The following SDK1 variants were observed in gnomAD, a reference collection of about 807,000 sequenced individuals.
The protein encoded by SDK1 is protein sidekick-1.
SDK1 carries 157 observed loss-of-function variants against 245.5 expected under a neutral mutation model. The observed-to-expected ratio is 0.64, with a 90% CI of 0.56 to 0.73. SDK1 has a LOEUF of 0.73. SDK1 is among the 30% of genes least tolerant of loss of function. SDK1 has a pLI of 0.00. For missense variants in SDK1, 3,583 were observed against 3,002.3 expected, an observed-to-expected ratio of 1.19 and a Z score of -4.52; for synonymous variants, 1,647 against 1,278.5, an observed-to-expected ratio of 1.29 and a Z score of -6.15.
At chr7:3,307,493 C>G (rs1779445553) in intron 1 of SDK1, among the ~76,000 whole-genome samples, 1 of 152,130 alleles carries the variant, frequency 6.6e-6, no homozygotes, top group African/African-American at 2.4e-5. Flanking sequence ...AACAGTGTTG[C>G]CACTAAATCC....
intron 4 of SDK1, among the ~76,000 whole-genome samples, chr7:3,683,375 A>T (rs948255539): frequency 6.6e-6 from 1 of 152,180 alleles, no homozygotes; most frequent in Non-Finnish European, 1.5e-5. Flanking sequence ...AAACTGGTTT[A>T]GACAATAGGA....
intron 5 of SDK1, among the ~76,000 whole-genome samples, chr7:3,891,417 C>T (rs954201310): frequency 9.2e-5 from 14 of 152,196 alleles, no homozygotes; most frequent in African/African-American, 3.1e-4. Flanking sequence ...TCTTAACCTG[C>T]TTCCTGCCCA....
intron 38 of SDK1, among the ~76,000 whole-genome samples, chr7:4,216,199 G>A (rs1784784702): frequency 1.3e-5 from 2 of 152,192 alleles, no homozygotes; most frequent in South Asian, 2.1e-4. Flanking sequence ...TGAAAAGGAC[G>A]ACAACGCCAC....
intron 1 of SDK1, among the ~76,000 whole-genome samples, chr7:3,535,377 A>G (rs549712092): frequency 2.0e-5 from 3 of 152,184 alleles, no homozygotes; most frequent in Non-Finnish European, 4.4e-5. Context: ...TACATGCATT[A>G]ATGTTGAATG....
intron 1 of SDK1, among the ~76,000 whole-genome samples, chr7:3,319,845 C>T (rs188055494): frequency 7.4e-6 from 1 of 135,676 alleles, no homozygotes; most frequent in Non-Finnish European, 1.6e-5. Context: ...CTGGTTTCCT[C>T]TTCCATTTGC....
intron 32 of SDK1, among the ~76,000 whole-genome samples, chr7:4,169,016 G>A (rs1454718010): frequency 2.0e-5 from 3 of 152,210 alleles, no homozygotes; most frequent in African/African-American, 7.2e-5. Flanking sequence ...GGCTCTCTGG[G>A]TGCGCAGGCA....
chr7:3,857,531 A>C (rs566677488), intron 5 of SDK1, among the ~76,000 whole-genome samples: 1 of 152,098 alleles, frequency 6.6e-6, no homozygotes, highest in South Asian at 2.1e-4. Flanking sequence ...AAAAATAATA[A>C]AAGAAATTAA....
chr7:3,757,287 C>CT (rs1243406647), intron 4 of SDK1, among the ~76,000 whole-genome samples: 2 of 152,104 alleles, frequency 1.3e-5, no homozygotes, highest in African/African-American at 4.8e-5. Flanking sequence ...TACTTACTTC[C>CT]TTTTTTTGAG....
intron 5 of SDK1, among the ~76,000 whole-genome samples, chr7:3,876,574 T>C (rs1024070938): frequency 7.2e-5 from 11 of 152,240 alleles, no homozygotes; most frequent in Admixed American, 2.6e-4. Context: ...AAAACAGGCA[T>C]TGAGAACTCA....
intron 4 of SDK1, among the ~76,000 whole-genome samples, chr7:3,659,635 C>T (rs1429289174): frequency 6.6e-6 from 1 of 152,134 alleles, no homozygotes; most frequent in Non-Finnish European, 1.5e-5. Flanking sequence ...TGAATTTTCT[C>T]CACGTGTAGT....
At chr7:3,455,199 A>G (rs1780633105) in intron 1 of SDK1, among the ~76,000 whole-genome samples, 1 of 151,344 alleles carries the variant, frequency 6.6e-6, no homozygotes, top group Admixed American at 6.6e-5. Context: ...TCTTTGCTGG[A>G]TATGTGGGTT....
chr7:3,634,107 C>T (rs1051668398), intron 2 of SDK1, among the ~76,000 whole-genome samples: 5 of 152,136 alleles, frequency 3.3e-5, no homozygotes, highest in Non-Finnish European at 7.4e-5. Flanking sequence ...GAGCTGGTAC[C>T]TGTAGAGGCA....
intron 30 of SDK1, among the ~76,000 whole-genome samples, chr7:4,157,518 G>GGGGA (rs1165692812): frequency 1.6e-3 from 214 of 136,890 alleles, no homozygotes; most frequent in Middle Eastern, 7.7e-3. Context: ...AGCAAGGAGC[G>GGGGA]GGGAGGGAGG....
chr7:3,634,286 GGCT>G (rs1233602313), intron 2 of SDK1, among the ~76,000 whole-genome samples: 1 of 152,138 alleles, frequency 6.6e-6, no homozygotes, highest in East Asian at 1.9e-4. Context: ...GTTGTTCCTG[GGCT>G]GAGATGGACC....
At chr7:4,130,674 G>A (rs886162442) in intron 27 of SDK1, among the ~76,000 whole-genome samples, 1 of 152,320 alleles carries the variant, frequency 6.6e-6, no homozygotes, top group Admixed American at 6.5e-5. Flanking sequence ...TCACAAGGAC[G>A]CCTTGCCAGC....
chr7:3,414,886 A>G (rs373261085), intron 1 of SDK1, among the ~76,000 whole-genome samples: 47 of 152,280 alleles, frequency 3.1e-4, no homozygotes, highest in Middle Eastern at 6.8e-3. Context: ...AGATGCATCC[A>G]TGTTGTAGCA....
At chr7:3,342,910 A>G (rs77332539) in intron 1 of SDK1, among the ~76,000 whole-genome samples, 30 of 152,290 alleles carry the variant, frequency 2.0e-4, no homozygotes, top group Non-Finnish European at 3.7e-4. Context: ...TTAAGTGGCA[A>G]ATAATCACAG....
intron 5 of SDK1, among the ~76,000 whole-genome samples, chr7:3,823,532 C>T (rs961841169): frequency 4.6e-5 from 7 of 152,092 alleles, no homozygotes; most frequent in African/African-American, 1.4e-4. Flanking sequence ...ATTTGCAAAC[C>T]GCTGTACTAG....
intron 1 of SDK1, among the ~76,000 whole-genome samples, chr7:3,328,800 C>T (rs1240172199): frequency 6.6e-6 from 1 of 152,090 alleles, no homozygotes; most frequent in East Asian, 1.9e-4. Context: ...ATGGACTATA[C>T]AGTTCAGTTA....
Sources: allele counts gnomAD v4.1 joint callset (sites outside exome capture counted in the v4.1 genomes callset), GRCh38; gene constraint gnomAD v4.1.1; transcripts MANE v1.5; gene names NCBI Gene and HGNC (gene_info 2026-07-23, HGNC 2026-07-21).